BNC2: variants seen among roughly 807,000 people sequenced by gnomAD.
BNC2 encodes the protein basonuclin zinc finger protein 2.
A neutral mutation model predicts 76.3 loss-of-function variants in BNC2; 20 were observed. The observed-to-expected ratio is 0.26, with a 90% CI of 0.18 to 0.38. The LOEUF (loss-of-function observed/expected upper bound fraction) is 0.38, where lower values mean the gene tolerates loss of function less well. BNC2 is among the 10% of genes least tolerant of loss of function. The pLI is 1.00. For synonymous variants in BNC2, 582 were observed against 514.8 expected (o/e 1.13, Z -1.77); for missense variants, 1,382 against 1,399.8 (o/e 0.99, Z 0.20).
In BNC2 at chr9:16,508,755, C is replaced by T. The variant is rs570221524; in HGVS notation, c.669+43775G>A. ...CTGCTTTTCTTCTATCCAGGATATT[C>T]TGCCTTCTGCCCACAAATCAGTCTA... is the stretch of plus-strand genomic sequence containing the variant. On this transcript the variant is annotated intron_variant, in intron 5 of 6. Transcript: ENST00000380672. Among the ~76,000 whole-genome samples the T allele has an allele frequency of 2.6e-5, 4 of 151,966 alleles. No homozygotes were observed. In the East Asian group the frequency reaches 7.7e-4, roughly 29 times the overall value.
intron 1 of BNC2, among the ~76,000 whole-genome samples, chr9:16,857,480 TAAAAAAA>T (rs60082380): frequency 0.05 from 3,819 of 75,920 alleles, 65 homozygotes; most frequent in East Asian, 0.28. Flanking sequence ...CTGTCTCAAA[TAAAAAAA>T]AAAAAAAAAA....
rs993212245 is a variant in BNC2, at chr9:16,564,144, G to A, written c.434-11379C>T. Among the ~76,000 whole-genome samples the A allele has an allele frequency of 3.9e-5, 6 of 152,240 alleles. No homozygotes were observed. In the South Asian group the frequency reaches 1.2e-3, roughly 32 times the overall value. Reference sequence around the variant, plus strand: ...CATGTTTCCAGTGTTTTTAAAAGATGCTCGTTGTCTTCCAGATTAAAGACA... The same window carrying A: ...CATGTTTCCAGTGTTTTTAAAAGATACTCGTTGTCTTCCAGATTAAAGACA... On this transcript the variant is annotated intron_variant, in intron 4 of 6. Coordinates refer to ENST00000380672, the MANE Select transcript of BNC2 (RefSeq NM_017637.6).
intron 5 of BNC2, among the ~76,000 whole-genome samples, chr9:16,515,560 G>A (rs563107231): frequency 9.9e-5 from 15 of 151,940 alleles, no homozygotes; most frequent in African/African-American, 2.7e-4. Context: ...AAGATCTGAC[G>A]CTTAGTGAGG....
At chr9:16,825,034 T>G (rs1818420391) in intron 1 of BNC2, among the ~76,000 whole-genome samples, 1 of 107,208 alleles carries the variant, frequency 9.3e-6, no homozygotes, top group Non-Finnish European at 2.0e-5. Flanking sequence ...ACATCTTTTT[T>G]CTTACCCCTC....
intron 3 of BNC2, among the ~76,000 whole-genome samples, chr9:16,720,263 G>C (rs1824114121): frequency 6.6e-6 from 1 of 152,150 alleles, no homozygotes; most frequent in Non-Finnish European, 1.5e-5. Flanking sequence ...TACGTTTCAG[G>C]TGCATTTCAA....
In BNC2 at chr9:16,410,631, A is replaced by T. The variant is rs1820439938; in HGVS notation, c.*8358T>A. 6.6e-6 allele frequency: 1 copy of T among 152,646 alleles called. No individual in the cohort carries two copies. Among genetic ancestry groups the T allele is most frequent in the South Asian group, 2.1e-4 (1 of 4,834 alleles). The allele number at this position is 152,646 out of a possible 1,614,324, so 9.5% of individuals were successfully genotyped here. A position where few individuals can be genotyped will look rare whatever the true frequency, so the allele number is the denominator to read the frequency against. The stretch of plus-strand genomic sequence containing the variant: ...TTAATTCACGTTATGCAAACCCTGG[A>T]CAGGGTAGAACACGTTTCCAAAGCA... On this transcript the variant is annotated 3_prime_UTR_variant, in exon 7 of 7. Coordinates refer to ENST00000380672, the MANE Select transcript of BNC2 (RefSeq NM_017637.6).
chr9:16,558,827 A>G (rs1818920093), intron 4 of BNC2, among the ~76,000 whole-genome samples: 1 of 151,550 alleles, frequency 6.6e-6, no homozygotes, highest in Non-Finnish European at 1.5e-5. Context: ...TACTCTACTC[A>G]GGAGGCTGAA....
chr9:16,414,609 T>C lies in BNC2; in HGVS notation c.*4380A>G, dbSNP rs1320414856. On this transcript the variant is annotated 3_prime_UTR_variant, in exon 7 of 7. Coordinates refer to ENST00000380672, the MANE Select transcript of BNC2 (RefSeq NM_017637.6). ...ATTTGTTTCTTGATGATAGCAGATG[T>C]AGCGTGTCTTATGACAGGTGAATTT... 1.3e-5 allele frequency: 2 copies of C among 152,252 alleles called. No individual in the cohort carries two copies. The highest frequency in any genetic ancestry group is 4.8e-5 in the African/African-American group (2 of 41,458). The allele number at this position is 152,252 out of a possible 1,614,324, so 9.4% of individuals were successfully genotyped here. A position where few individuals can be genotyped will look rare whatever the true frequency, so the allele number is the denominator to read the frequency against.
intron 1 of BNC2, 112 bp downstream of exon 1, chr9:16,870,534 C>A: frequency 7.7e-7 from 1 of 1,302,212 alleles, no homozygotes; most frequent in Non-Finnish European, 1.1e-6. Context: ...CCCCTCACGC[C>A]GCGGGCCGGA....
intron 3 of BNC2, among the ~76,000 whole-genome samples, chr9:16,622,079 C>CTTCT (rs1446508182): frequency 6.6e-6 from 1 of 152,036 alleles, no homozygotes; most frequent in Non-Finnish European, 1.5e-5. Flanking sequence ...TGACCGTGGT[C>CTTCT]TTCTTAACCT....
At chr9:16,785,991 G>A (rs1380129819) in intron 1 of BNC2, among the ~76,000 whole-genome samples, 1 of 152,040 alleles carries the variant, frequency 6.6e-6, no homozygotes, top group African/African-American at 2.4e-5. Context: ...AGGAAGGCAG[G>A]AAGAGGGTAG....
intron 3 of BNC2, among the ~76,000 whole-genome samples, chr9:16,613,443 C>T (rs1820608918): frequency 6.6e-6 from 1 of 152,176 alleles, no homozygotes; most frequent in African/African-American, 2.4e-5. Flanking sequence ...CCAAATGCCA[C>T]ATGTTATTGA....
rs1821000558 is a variant in BNC2, at chr9:16,435,900, T to A, written c.2294A>T (p.Glu765Val). Reference protein sequence around the residue: ...NSERPDENHSEPSHQDVIKVK... With the variant: ...NSERPDENHSVPSHQDVIKVK... ...CTTGATGACGTCCTGGTGAGAGGGC[T>A]CACTGTGGTTCTCATCAGGCCTCTC... Residue 765 changes from glutamate to valine, a missense_variant, in exon 6 of 7, where the codon GAG becomes GTG. This residue lies in a region of BNC2 where 798 missense variants were observed against 775.5 expected (regional missense o/e 1.03). Transcript: ENST00000380672. The A allele has an allele frequency of 1.9e-6, 3 of 1,613,918 alleles. No homozygotes were observed. The African/African-American group carries it at 4.0e-5, about 22-fold the overall frequency.
At chr9:16,724,878 T>C (rs1381032681) in intron 3 of BNC2, among the ~76,000 whole-genome samples, 1 of 152,122 alleles carries the variant, frequency 6.6e-6, no homozygotes, top group Non-Finnish European at 1.5e-5. Flanking sequence ...AAACCTTTTA[T>C]AGCAGCCCTA....
chr9:16,565,735 G>C (rs1169664260), intron 4 of BNC2, among the ~76,000 whole-genome samples: 1 of 151,698 alleles, frequency 6.6e-6, no homozygotes, highest in African/African-American at 2.4e-5. Flanking sequence ...TTGAGCCTGG[G>C]AGGTCGAGGC....
At chr9:16,752,314 G>A (rs1825242916) in intron 1 of BNC2, among the ~76,000 whole-genome samples, 1 of 152,144 alleles carries the variant, frequency 6.6e-6, no homozygotes, top group South Asian at 2.1e-4. Context: ...TTTTTAGATA[G>A]TCCAAAGCCT....
At chr9:16,683,191 G>A (rs190920904) in intron 3 of BNC2, among the ~76,000 whole-genome samples, 24 of 152,212 alleles carry the variant, frequency 1.6e-4, no homozygotes, top group African/African-American at 5.1e-4. Flanking sequence ...ACCACAGTAG[G>A]GGATCTTGGG....
intron 4 of BNC2, among the ~76,000 whole-genome samples, chr9:16,571,159 C>T (rs1819311877): frequency 6.6e-6 from 1 of 152,076 alleles, no homozygotes; most frequent in East Asian, 1.9e-4. Flanking sequence ...TATGTGATCT[C>T]CTAATTTACA....
In BNC2 at chr9:16,443,869, T is replaced by C. The variant is rs958752287; in HGVS notation, c.670-6345A>G. ...AGTGTAAAGCAACACTAGGGAACTT[T>C]TGGGGTGGTGAGAATGTTGTACACC... On this transcript the variant is annotated intron_variant, in intron 5 of 6. Coordinates refer to ENST00000380672, the MANE Select transcript of BNC2 (RefSeq NM_017637.6). Among the ~76,000 whole-genome samples, 6 of 152,194 alleles carry C rather than the reference T, an allele frequency of 3.9e-5. No homozygotes were observed. In the South Asian group the frequency reaches 6.2e-4, roughly 16 times the overall value.
Sources: gnomAD v4.1 joint callset for allele counts (sites outside exome capture counted in the v4.1 genomes callset) on GRCh38, gnomAD v4.1.1 for gene constraint, gnomAD v4.1.1 regional missense constraint, MANE v1.5 for transcripts, NCBI Gene and HGNC (gene_info 2026-07-23, HGNC 2026-07-21) for gene names.